The following SBNO1 variants were observed in gnomAD, a reference collection of about 807,000 sequenced individuals.
SBNO1 encodes the protein strawberry notch homolog 1.
SBNO1 carries 23 observed loss-of-function variants against 173.6 expected under a neutral mutation model. The observed-to-expected ratio is 0.13, with a 90% CI of 0.10 to 0.19. SBNO1 has a LOEUF of 0.19. Among genes scored for constraint, SBNO1 ranks in the 10% least tolerant of loss-of-function variants. SBNO1 has a pLI of 1.00. For synonymous variants in SBNO1, 632 were observed against 571.5 expected (o/e 1.11, Z -1.51); for missense variants, 1,238 against 1,671.2 (o/e 0.74, Z 4.52).
At chr12:123,301,286 G>A (rs1453690307) in intron 30 of SBNO1, among the ~76,000 whole-genome samples, 1 of 152,134 alleles carries the variant, frequency 6.6e-6, no homozygotes. Flanking sequence ...CTACCAGCAA[G>A]CCAATGGTGC....
chr12:123,358,964 GCT>G (rs1327568246), intron 1 of SBNO1, among the ~76,000 whole-genome samples: 1 of 151,542 alleles, frequency 6.6e-6, no homozygotes, highest in Admixed American at 6.6e-5. Flanking sequence ...ATGGACTCTT[GCT>G]CTGTCACCCA....
chr12:123,327,006 T>G (rs947515619), intron 13 of SBNO1, among the ~76,000 whole-genome samples: 1 of 150,596 alleles, frequency 6.6e-6, no homozygotes, highest in Non-Finnish European at 1.5e-5. Context: ...TTTTGTTTTT[T>G]GTTTTTGTTT....
intron 30 of SBNO1, among the ~76,000 whole-genome samples, chr12:123,302,029 C>T: frequency 6.6e-6 from 1 of 152,000 alleles, no homozygotes; most frequent in East Asian, 1.9e-4. Context: ...CAACCTCCGC[C>T]TCCCGGGTTC....
At chr12:123,297,124 C>T (rs1363623285) in intron 31 of SBNO1, among the ~76,000 whole-genome samples, 1 of 151,216 alleles carries the variant, frequency 6.6e-6, no homozygotes, top group African/African-American at 2.4e-5. Flanking sequence ...CTTTGGGAAG[C>T]TGAGGTGGGC....
At position 123,289,671 on chromosome 12, in the gene SBNO1, T is replaced by C. The variant is rs529274845; in HGVS notation, c.*6237A>G. ...ACAGTGTACCTCTTCCCACCTCTCA[T>C]GGATGATGGAAGATACAAGTGGTTA... is the stretch of plus-strand genomic sequence containing the variant. On this transcript the variant is annotated 3_prime_UTR_variant, in exon 32 of 32. Transcript: ENST00000602398. The C allele has an allele frequency of 3.9e-5, 6 of 152,354 alleles. No individual in the cohort carries two copies. Among genetic ancestry groups the C allele is most frequent in the South Asian group, 2.1e-4 (1 of 4,830 alleles). The allele number at this position is 152,354 out of a possible 1,614,324, so 9.4% of individuals were successfully genotyped here.
chr12:123,297,267 T>C (rs1593315151), intron 31 of SBNO1, among the ~76,000 whole-genome samples: 1 of 136,514 alleles, frequency 7.3e-6, no homozygotes, highest in Admixed American at 8.0e-5. Flanking sequence ...GAGGCGGAGG[T>C]TGCAGTGAGC....
chr12:123,306,370 G>C (rs922422978), intron 28 of SBNO1, among the ~76,000 whole-genome samples: 1 of 152,108 alleles, frequency 6.6e-6, no homozygotes, highest in Non-Finnish European at 1.5e-5. Context: ...ATGCAGTGGA[G>C]GTTCAAAGGC....
chr12:123,330,746 A>G (rs1261979393), intron 8 of SBNO1, among the ~76,000 whole-genome samples: 1 of 152,002 alleles, frequency 6.6e-6, no homozygotes, highest in Non-Finnish European at 1.5e-5. Flanking sequence ...GACCAGCCTG[A>G]GCAACACAAG....
chr12:123,347,557 ACT>A (rs1873349054), intron 3 of SBNO1, among the ~76,000 whole-genome samples: 1 of 125,642 alleles, frequency 8.0e-6, no homozygotes, highest in Non-Finnish European at 1.7e-5. Flanking sequence ...ATGAAGTCTC[ACT>A]CTGTCGCCCA....
At chr12:123,364,125 C>T in intron 1 of SBNO1, 1 of 985,600 alleles carries the variant, frequency 1.0e-6, no homozygotes, top group Non-Finnish European at 1.2e-6. Context: ...AGGGAGCCTG[C>T]ACGTGTCCCC....
chr12:123,361,394 C>CG (rs1207313849), intron 1 of SBNO1, among the ~76,000 whole-genome samples: 1 of 150,642 alleles, frequency 6.6e-6, no homozygotes, highest in Non-Finnish European at 1.5e-5. Context: ...ACTAAAAATA[C>CG]AAAGTTAACC....
At chr12:123,327,058 T>C (rs1254509320) in intron 13 of SBNO1, among the ~76,000 whole-genome samples, 1 of 152,146 alleles carries the variant, frequency 6.6e-6, no homozygotes, top group Non-Finnish European at 1.5e-5. Flanking sequence ...CAAGCTGGAG[T>C]GCACTGGCAC....
chr12:123,363,824 A>C, intron 1 of SBNO1: 7 of 980,624 alleles, frequency 7.1e-6, no homozygotes, highest in Non-Finnish European at 8.5e-6. Flanking sequence ...ACCAAACAGA[A>C]GCACAAAGCA....
In SBNO1 at chr12:123,309,543, A is replaced by C; in HGVS notation, c.3483T>G (p.Val1161=). 6.2e-7 allele frequency: 1 copy of C among 1,614,074 alleles called. No homozygotes were observed. The highest frequency in any genetic ancestry group is 2.2e-5 in the East Asian group (1 of 44,868). The change falls in exon 27 of 32, where the codon GTT becomes GTG. Residue 1161 remains valine (V), a synonymous_variant. Transcript: ENST00000602398. ...AATATCCTGGAGTCAGAAACTTTTT[A>C]ACATCACTTTTCCGCACTTTTTCAT... The part of the protein sequence containing the change: ...SGDEKVRKSD[V]KKFLTPGYST...
chr12:123,313,667 G>T lies in SBNO1; in HGVS notation c.3173C>A (p.Ser1058Tyr). 6.2e-7 allele frequency: 1 copy of T among 1,609,510 alleles called. No homozygotes were observed. Among genetic ancestry groups the T allele is most frequent in the Non-Finnish European group, 8.5e-7 (1 of 1,176,422 alleles). ...IVMKSIVNLD[S>Y]PMVSPPPDYP... The stretch of plus-strand genomic sequence containing the variant: ...GTCTGGAGGTGGTGATACCATAGGA[G>T]AATCCAAGTTTACAATGGATTTCAT... Residue 1058 changes from serine to tyrosine, a missense_variant, in exon 24 of 32, where the codon TCT becomes TAT. Around this residue, in one of 14 missense-constraint regions of SBNO1, gnomAD observed 351 missense variants for 420.3 expected, o/e 0.84. Transcript: ENST00000602398.
chr12:123,311,732 A>C (rs61953423), intron 24 of SBNO1, among the ~76,000 whole-genome samples: 9,155 of 110,928 alleles, frequency 0.083, 361 homozygotes, highest in South Asian at 0.14. Flanking sequence ...ATATATATAT[A>C]TATATATATA....
At chr12:123,362,138 T>C (rs930485224) in intron 1 of SBNO1, among the ~76,000 whole-genome samples, 4 of 144,782 alleles carry the variant, frequency 2.8e-5, no homozygotes. Flanking sequence ...AGACTCCACC[T>C]CAAAAAAAAA....
At chr12:123,309,255 G>A in intron 28 of SBNO1, 55 bp downstream of exon 28, 1 of 1,262,076 alleles carries the variant, frequency 7.9e-7, no homozygotes, top group Non-Finnish European at 1.2e-6. Flanking sequence ...CAATTACAAT[G>A]CTGGCCATTA....
intron 1 of SBNO1, among the ~76,000 whole-genome samples, chr12:123,358,569 G>A (rs546017469): frequency 2.2e-4 from 33 of 151,674 alleles, no homozygotes; most frequent in Non-Finnish European, 2.9e-4. Flanking sequence ...GTGAAACCCC[G>A]TCTCTACTAA....
Sources: allele counts gnomAD v4.1 joint callset (sites outside exome capture counted in the v4.1 genomes callset), GRCh38; gene constraint gnomAD v4.1.1; regional missense constraint gnomAD v4.1.1; transcripts MANE v1.5; gene names NCBI Gene and HGNC (gene_info 2026-07-23, HGNC 2026-07-21).